SNTG1: variants seen among roughly 807,000 people sequenced by gnomAD.
The protein encoded by SNTG1 is gamma-1-syntrophin.
Under a neutral mutation model 74.7 loss-of-function variants are expected in SNTG1, and 39 were observed. The observed-to-expected ratio is 0.52, with a 90% CI of 0.40 to 0.68. SNTG1 has a LOEUF of 0.68. Ranked by LOEUF, SNTG1 falls within the 30% of genes least tolerant of loss-of-function variation. SNTG1 has a pLI of 0.00. For missense variants in SNTG1, 685 were observed against 609.5 expected, an observed-to-expected ratio of 1.12 and a Z score of -1.30; for synonymous variants, 254 against 217.1, an observed-to-expected ratio of 1.17 and a Z score of -1.49.
chr8:49,968,472 T>A (rs1330379735), intron 1 of SNTG1, among the ~76,000 whole-genome samples: 1 of 151,944 alleles, frequency 6.6e-6, no homozygotes, highest in Non-Finnish European at 1.5e-5. Context: ...ATTTTTCAGT[T>A]CCAAAATTTT....
intron 1 of SNTG1, among the ~76,000 whole-genome samples, chr8:49,960,428 G>A (rs1052450019): frequency 6.6e-6 from 1 of 152,104 alleles, no homozygotes; most frequent in Non-Finnish European, 1.5e-5. Flanking sequence ...GCCACTTACA[G>A]CATAATATAC....
chr8:50,420,346 T>C (rs2093066837), intron 4 of SNTG1, among the ~76,000 whole-genome samples: 1 of 151,774 alleles, frequency 6.6e-6, no homozygotes, highest in Non-Finnish European at 1.5e-5. Flanking sequence ...CCAGAAACAA[T>C]GAAGGCCAGA....
intron 2 of SNTG1, among the ~76,000 whole-genome samples, chr8:50,304,013 T>G (rs1317001100): frequency 6.6e-6 from 1 of 152,188 alleles, no homozygotes; most frequent in Non-Finnish European, 1.5e-5. Context: ...CCACACTGGC[T>G]CTGTGCTATT....
intron 1 of SNTG1, among the ~76,000 whole-genome samples, chr8:50,096,606 C>T (rs2079938821): frequency 6.6e-6 from 1 of 152,042 alleles, no homozygotes; most frequent in Admixed American, 6.6e-5. Context: ...CATAATATTA[C>T]CTACTGTCAA....
chr8:50,210,003 C>A (rs964993780), intron 2 of SNTG1, among the ~76,000 whole-genome samples: 1 of 152,084 alleles, frequency 6.6e-6, no homozygotes, highest in African/African-American at 2.4e-5. Flanking sequence ...GAATGGCTAA[C>A]TAGAATAAAC....
chr8:50,750,403 T>A (rs988179124), intron 17 of SNTG1, among the ~76,000 whole-genome samples: 4 of 152,124 alleles, frequency 2.6e-5, no homozygotes, highest in African/African-American at 9.6e-5. Flanking sequence ...ATTTAGAATA[T>A]TACATTAATT....
intron 1 of SNTG1, among the ~76,000 whole-genome samples, chr8:50,141,498 C>T (rs2081655684): frequency 6.6e-6 from 1 of 152,054 alleles, no homozygotes; most frequent in Non-Finnish European, 1.5e-5. Flanking sequence ...TAAACGCTTG[C>T]AATGAGAGAT....
Position 50,793,978 on chromosome 8 carries a change from A to T in SNTG1, c.*1149A>T, listed in dbSNP as rs1436133527. The T allele has an allele frequency of 6.6e-6, 1 of 151,930 alleles. No individual in the cohort carries two copies. The highest frequency in any genetic ancestry group is 1.5e-5 in the Non-Finnish European group (1 of 67,900). 9.4% of individuals were successfully genotyped at this position (151,930 alleles called of 1,614,324 possible). On this transcript the variant is annotated 3_prime_UTR_variant, in exon 19 of 19. Coordinates refer to ENST00000642720, the MANE Select transcript of SNTG1 (RefSeq NM_018967.5). ...TTTGTCCTAAGAATGTAAATGTGAA[A>T]GGCTGGGAAATTTGAAAGCCTTAGA...
chr8:50,561,371 A>C (rs2094487383), intron 12 of SNTG1, among the ~76,000 whole-genome samples: 1 of 152,222 alleles, frequency 6.6e-6, no homozygotes, highest in Admixed American at 6.5e-5. Context: ...GCAGTGTGAA[A>C]ACAGACTAAA....
At chr8:50,318,618 G>A (rs1035561951) in intron 2 of SNTG1, among the ~76,000 whole-genome samples, 23 of 152,146 alleles carry the variant, frequency 1.5e-4, no homozygotes, top group African/African-American at 5.6e-4. Flanking sequence ...AAAGATCTGT[G>A]CTTCCAATAC....
At chr8:50,497,215 C>A (rs2093912570) in intron 8 of SNTG1, among the ~76,000 whole-genome samples, 1 of 151,830 alleles carries the variant, frequency 6.6e-6, no homozygotes, top group Admixed American at 6.6e-5. Flanking sequence ...AAATATAAAG[C>A]TTTAAAAGTA....
chr8:50,323,848 C>T (rs964184561), intron 2 of SNTG1, among the ~76,000 whole-genome samples: 1 of 49,562 alleles, frequency 2.0e-5, no homozygotes, highest in Non-Finnish European at 7.3e-5. Context: ...AGGGATTGGA[C>T]TCAAAACTCA....
intron 11 of SNTG1, among the ~76,000 whole-genome samples, chr8:50,545,652 C>T (rs1221292714): frequency 6.6e-6 from 1 of 151,836 alleles, no homozygotes; most frequent in Non-Finnish European, 1.5e-5. Flanking sequence ...TTATCATCTA[C>T]TGCATGCTTT....
Position 50,634,489 on chromosome 8 carries a change from A to G in SNTG1, c.850-22420A>G, listed in dbSNP as rs550561116. Among the ~76,000 whole-genome samples, 5 of 152,316 alleles carry G rather than the reference A, an allele frequency of 3.3e-5. No individual in the cohort carries two copies. In the South Asian group the frequency reaches 1.0e-3, roughly 32 times the overall value. On this transcript the variant is annotated intron_variant, in intron 13 of 18. Coordinates refer to ENST00000642720, the MANE Select transcript of SNTG1 (RefSeq NM_018967.5). ...TTATTAAGTCAGTTTTTTAACTGAA[A>G]TTTTATTGAAATAATTGTACATTTA... is the stretch of plus-strand genomic sequence containing the variant.
intron 12 of SNTG1, among the ~76,000 whole-genome samples, chr8:50,589,272 C>CA: frequency 6.6e-6 from 1 of 152,028 alleles, no homozygotes; most frequent in East Asian, 1.9e-4. Flanking sequence ...CTAACAAAAA[C>CA]AAAAAATTAT....
intron 1 of SNTG1, among the ~76,000 whole-genome samples, chr8:50,145,905 TA>T (rs1386681819): frequency 6.6e-6 from 1 of 151,292 alleles, no homozygotes; most frequent in Non-Finnish European, 1.5e-5. Context: ...CAAATTCTAA[TA>T]AAAATATATA....
At chr8:50,332,282 T>C (rs966919159) in intron 2 of SNTG1, among the ~76,000 whole-genome samples, 7 of 152,184 alleles carry the variant, frequency 4.6e-5, no homozygotes, top group Admixed American at 4.6e-4. Flanking sequence ...TTATTATTCA[T>C]TTTTTCCAGA....
intron 9 of SNTG1, among the ~76,000 whole-genome samples, chr8:50,515,603 C>A (rs1441205012): frequency 6.6e-6 from 1 of 152,020 alleles, no homozygotes; most frequent in East Asian, 1.9e-4. Context: ...CTGGGACACT[C>A]AAGCTTGATG....
chr8:50,186,968 C>A (rs1424450607), intron 2 of SNTG1, among the ~76,000 whole-genome samples: 1 of 152,018 alleles, frequency 6.6e-6, no homozygotes, highest in Non-Finnish European at 1.5e-5. Flanking sequence ...ACGCCTATTT[C>A]CTGAATGGTA....
Sources: gnomAD v4.1 joint callset for allele counts (sites outside exome capture counted in the v4.1 genomes callset) on GRCh38, gnomAD v4.1.1 for gene constraint, MANE v1.5 for transcripts, NCBI Gene and HGNC (gene_info 2026-07-23, HGNC 2026-07-21) for gene names.